Variants in GALNT11 observed in about 807,000 individuals in gnomAD.
GALNT11 encodes the protein polypeptide N-acetylgalactosaminyltransferase 11.
A neutral mutation model predicts 72.7 loss-of-function variants in GALNT11; 47 were observed. That is an observed-to-expected ratio of 0.65 (90% confidence interval 0.51 to 0.82). GALNT11 has a LOEUF of 0.82. Ranked by LOEUF, GALNT11 falls within the 40% of genes least tolerant of loss-of-function variation. The pLI is 0.00. For synonymous variants in GALNT11, 270 were observed against 286.6 expected (o/e 0.94, Z 0.58); for missense variants, 677 against 778.4 (o/e 0.87, Z 1.55).
chr7:152,105,308 T>A lies in GALNT11; in HGVS notation c.650T>A (p.Ile217Lys). 6.2e-7 allele frequency: 1 copy of A among 1,613,990 alleles called. No individual in the cohort carries two copies. The highest frequency in any genetic ancestry group is 8.5e-7 in the Non-Finnish European group (1 of 1,179,968). Residue 217 changes from isoleucine to lysine, a missense_variant, in exon 5 of 12, where the codon ATA becomes AAA. By Grantham distance (102) the Ile-to-Lys change is moderately radical. Coordinates refer to ENST00000430044, the MANE Select transcript of GALNT11 (RefSeq NM_022087.4). ...TACCTCCCTGGAAAAATTAAAGTCATAAGAAATACAAAGCGTGAGGGGTTG... is the reference window on the plus strand; with the variant it reads ...TACCTCCCTGGAAAAATTAAAGTCAAAAGAAATACAAAGCGTGAGGGGTTG... Reference protein sequence around the residue: ...QKYLPGKIKVIRNTKREGLIR... With the variant: ...QKYLPGKIKVKRNTKREGLIR...
intron 2 of GALNT11, among the ~76,000 whole-genome samples, chr7:152,098,372 C>T (rs552143052): frequency 1.3e-5 from 2 of 151,906 alleles, no homozygotes; most frequent in South Asian, 4.2e-4. Flanking sequence ...CTACAGTGAG[C>T]CGAGATTGCA....
chr7:152,042,836 T>A lies in GALNT11; in HGVS notation c.-39+16952T>A, dbSNP rs552646188. Among the ~76,000 whole-genome samples the A allele has an allele frequency of 3.9e-5, 6 of 152,340 alleles. No homozygotes were observed. The South Asian group carries it at 1.0e-3, about 26-fold the overall frequency. ...ATCGGGCCCTTCACAATGCAAAATA[T>A]AACTACTTTGATATACTTTAGGGGC... is the stretch of plus-strand genomic sequence containing the variant. On this transcript the variant is annotated intron_variant, in intron 1 of 11. Coordinates refer to ENST00000430044, the MANE Select transcript of GALNT11 (RefSeq NM_022087.4).
intron 1 of GALNT11, among the ~76,000 whole-genome samples, chr7:152,048,241 G>C (rs2083237475): frequency 6.6e-6 from 1 of 151,788 alleles, no homozygotes; most frequent in Non-Finnish European, 1.5e-5. Flanking sequence ...GGCCTTTAAG[G>C]CTACCACTGA....
At chr7:152,041,994 G>A (rs2082883329) in intron 1 of GALNT11, among the ~76,000 whole-genome samples, 1 of 152,194 alleles carries the variant, frequency 6.6e-6, no homozygotes, top group East Asian at 1.9e-4. Flanking sequence ...TTTCTTGAGT[G>A]GAGGCAGCAC....
intron 3 of GALNT11, among the ~76,000 whole-genome samples, chr7:152,102,298 C>T (rs2087003060): frequency 6.6e-6 from 1 of 152,146 alleles, no homozygotes; most frequent in Non-Finnish European, 1.5e-5. Flanking sequence ...AATCCCAGCA[C>T]TTTGGGAGGG....
intron 1 of GALNT11, among the ~76,000 whole-genome samples, chr7:152,045,528 T>C (rs1160320266): frequency 6.6e-6 from 1 of 152,164 alleles, no homozygotes; most frequent in Non-Finnish European, 1.5e-5. Context: ...TATATGTATC[T>C]AGGAATTTTT....
At chr7:152,066,219 G>T (rs1186698782) in intron 1 of GALNT11, among the ~76,000 whole-genome samples, 2 of 152,232 alleles carry the variant, frequency 1.3e-5, no homozygotes, top group Non-Finnish European at 2.9e-5. Flanking sequence ...GGCTCCGTGG[G>T]CGTGGGACCC....
At chr7:152,063,013 T>C (rs540308922) in intron 1 of GALNT11, among the ~76,000 whole-genome samples, 1 of 152,336 alleles carries the variant, frequency 6.6e-6, no homozygotes, top group African/African-American at 2.4e-5. Flanking sequence ...TCTTTTTCTA[T>C]TGATAGGAAT....
intron 1 of GALNT11, chr7:152,093,878 C>G (rs1342898343): frequency 1.0e-5 from 2 of 195,136 alleles, no homozygotes; most frequent in African/African-American, 4.6e-5. Flanking sequence ...AAAATTATAA[C>G]CTGATGAGAA....
intron 1 of GALNT11, among the ~76,000 whole-genome samples, chr7:152,045,057 C>T (rs1489270030): frequency 6.6e-6 from 1 of 151,830 alleles, no homozygotes; most frequent in Non-Finnish European, 1.5e-5. Flanking sequence ...GGTTTTTATC[C>T]TTCATTCTGT....
intron 6 of GALNT11, among the ~76,000 whole-genome samples, chr7:152,108,990 GTTA>G (rs1563077872): frequency 6.7e-6 from 1 of 149,898 alleles, no homozygotes; most frequent in Non-Finnish European, 1.5e-5. Context: ...ATTTGTTATT[GTTA>G]TTATGTTGTT....
At chr7:152,064,054 T>A (rs1407341512) in intron 1 of GALNT11, among the ~76,000 whole-genome samples, 2 of 152,192 alleles carry the variant, frequency 1.3e-5, no homozygotes, top group East Asian at 3.8e-4. Flanking sequence ...ATGTTGACAG[T>A]GGGGTGTTAA....
At chr7:152,103,643 TG>T in intron 4 of GALNT11, 1 of 211,744 alleles carries the variant, frequency 4.7e-6, no homozygotes, top group South Asian at 8.3e-5. Flanking sequence ...GTACAGTGTG[TG>T]TGGTCCAGGG....
intron 7 of GALNT11, 53 bp from the exon 8 acceptor site, chr7:152,113,193 G>A (rs900581583): frequency 1.3e-6 from 2 of 1,520,002 alleles, no homozygotes; most frequent in Non-Finnish European, 1.8e-6. Context: ...TTCATACATT[G>A]GTTTCACAAC....
chr7:152,077,522 C>T (rs566698987), intron 1 of GALNT11, among the ~76,000 whole-genome samples: 1 of 152,060 alleles, frequency 6.6e-6, no homozygotes, highest in Non-Finnish European at 1.5e-5. Context: ...AGGCTGCCAT[C>T]CAGAACACTC....
At chr7:152,028,014 T>C (rs963524779) in intron 1 of GALNT11, among the ~76,000 whole-genome samples, 5 of 152,182 alleles carry the variant, frequency 3.3e-5, no homozygotes, top group Non-Finnish European at 5.9e-5. Flanking sequence ...CGCAGTAGGT[T>C]TGTGGTCTCA....
intron 8 of GALNT11, among the ~76,000 whole-genome samples, chr7:152,114,938 A>G (rs1236742823): frequency 6.6e-6 from 1 of 152,042 alleles, no homozygotes; most frequent in East Asian, 1.9e-4. Flanking sequence ...GTGCACAGTA[A>G]TTTTTCACAC....
In GALNT11 at chr7:152,101,823, A is replaced by G. The variant is rs531457521; in HGVS notation, c.419+902A>G. Among the ~76,000 whole-genome samples the G allele has an allele frequency of 8.5e-4, 130 of 152,066 alleles. 2 individuals are homozygous for G. The South Asian group carries it at 0.025, about 29-fold the overall frequency. ...TAATTTTTATAGTTTTAGTAGAGAT[A>G]GGGTTTCACCATGTTGGCCAGGCTG... On this transcript the variant is annotated intron_variant, in intron 3 of 11. Coordinates refer to ENST00000430044, the MANE Select transcript of GALNT11 (RefSeq NM_022087.4).
intron 1 of GALNT11, among the ~76,000 whole-genome samples, chr7:152,063,417 T>G (rs1301605332): frequency 6.6e-6 from 1 of 152,216 alleles, no homozygotes; most frequent in Admixed American, 6.5e-5. Context: ...AACCAGCTCC[T>G]GGATTCATTG....
Sources: gnomAD v4.1 joint callset for allele counts (sites outside exome capture counted in the v4.1 genomes callset) on GRCh38, gnomAD v4.1.1 for gene constraint, MANE v1.5 for transcripts, NCBI Gene and HGNC (gene_info 2026-07-23, HGNC 2026-07-21) for gene names.